Variants in CDC16 observed in about 807,000 individuals in gnomAD.
CDC16 encodes cell division cycle protein 16 homolog.
A neutral mutation model predicts 87.0 loss-of-function variants in CDC16; 34 were observed. The ratio of observed to expected loss-of-function variants is 0.39; its 90% CI spans 0.30 to 0.52. The LOEUF is 0.52. CDC16 is among the 20% of genes least tolerant of loss of function. The pLI is 0.74. For synonymous variants in CDC16, 263 were observed against 260.6 expected (o/e 1.01, Z -0.09); for missense variants, 653 against 751.9 (o/e 0.87, Z 1.54).
chr13:114,239,293 CAT>C, intron 4 of CDC16, 55 bp from the exon 5 acceptor site: 4 of 1,550,258 alleles, frequency 2.6e-6, no homozygotes, highest in Non-Finnish European at 3.5e-6. Flanking sequence ...AAATTCGGAT[CAT>C]GTGTTTCGTG....
chr13:114,267,275 G>A (rs1438321572), intron 17 of CDC16, among the ~76,000 whole-genome samples: 2 of 152,012 alleles, frequency 1.3e-5, no homozygotes, highest in Non-Finnish European at 2.9e-5. Context: ...ATCACCTGAG[G>A]TCAGGAGTTC....
At chr13:114,271,937 G>T (rs2083706265) in intron 17 of CDC16, among the ~76,000 whole-genome samples, 1 of 152,184 alleles carries the variant, frequency 6.6e-6, no homozygotes, top group Non-Finnish European at 1.5e-5. Flanking sequence ...GCAAATGGTG[G>T]AAAACAAATG....
In CDC16 at chr13:114,250,585, A is replaced by G; in HGVS notation, c.1008A>G (p.Ala336=). The G allele has an allele frequency of 3.1e-6, 5 of 1,614,040 alleles. No individual in the cohort carries two copies. Among genetic ancestry groups the G allele is most frequent in the Non-Finnish European group, 4.2e-6 (5 of 1,179,970 alleles). The change falls in exon 12 of 18, where the codon GCA becomes GCG. Residue 336 remains alanine, a synonymous_variant. Transcript: ENST00000356221. Reference sequence around the variant, plus strand: ...CACTTGAGAAAACCTATGGACCTGCATGGATAGCCTATGGACATTCATTTG... The same window carrying G: ...CACTTGAGAAAACCTATGGACCTGCGTGGATAGCCTATGGACATTCATTTG... ...ATTLEKTYGP[A]WIAYGHSFAV... is the part of the protein sequence containing the mutation.
At chr13:114,263,299 T>TAGCC (rs952615866) in intron 16 of CDC16, among the ~76,000 whole-genome samples, 1 of 152,224 alleles carries the variant, frequency 6.6e-6, no homozygotes, top group Non-Finnish European at 1.5e-5. Context: ...CTGTCCACAG[T>TAGCC]AGCCCCTTTG....
intron 11 of CDC16, 50 bp from the exon 12 acceptor site, chr13:114,250,499 A>C: frequency 1.3e-6 from 2 of 1,539,030 alleles, no homozygotes; most frequent in Non-Finnish European, 8.8e-7. Context: ...CTCAAAAAAA[A>C]AAAAAAAAGA....
chr13:114,242,394 C>G (rs985167530), intron 6 of CDC16, 114 bp downstream of exon 6: 2 of 903,238 alleles, frequency 2.2e-6, no homozygotes, highest in African/African-American at 3.3e-5. Context: ...TTAAATAGAC[C>G]TACTCACTTT....
intron 13 of CDC16, among the ~76,000 whole-genome samples, chr13:114,258,786 CACAGTGACTTTA>C (rs17338172): frequency 0.011 from 1,742 of 152,174 alleles, 95 homozygotes; most frequent in Admixed American, 0.081. Context: ...ACTCAGTGTA[CACAGTGACTTTA>C]TAGAACATAA....
chr13:114,243,420 TATATTAAGTTTTCAAAATTA>T (rs1458358323), intron 7 of CDC16, 72 bp downstream of exon 7: 2 of 752,914 alleles, frequency 2.7e-6, no homozygotes, highest in African/African-American at 3.5e-5. Flanking sequence ...CATCTAGTCT[TATATTAAGTTTTCAAAATTA>T]AAACTTTTTA....
chr13:114,254,948 A>C (rs2082406429), intron 12 of CDC16, among the ~76,000 whole-genome samples: 1 of 152,204 alleles, frequency 6.6e-6, no homozygotes, highest in Non-Finnish European at 1.5e-5. Context: ...CTGCATGATA[A>C]AATTTGGTCT....
At chr13:114,249,229 T>TAGGGTTTGCGCA (rs922744443) in intron 11 of CDC16, among the ~76,000 whole-genome samples, 2 of 151,566 alleles carry the variant, frequency 1.3e-5, no homozygotes, top group Non-Finnish European at 1.5e-5. Context: ...CAGTTAACAA[T>TAGGGTTTGCGCA]AGGGTTTGCG....
chr13:114,259,548 A>G, intron 14 of CDC16, 150 bp downstream of exon 14: 1 of 502,390 alleles, frequency 2.0e-6, no homozygotes, highest in Non-Finnish European at 3.4e-6. Flanking sequence ...ATTGTCAGTT[A>G]ACTGTTTTAC....
At chr13:114,248,009 A>T (rs2081965205) in intron 11 of CDC16, among the ~76,000 whole-genome samples, 1 of 152,262 alleles carries the variant, frequency 6.6e-6, no homozygotes, top group Non-Finnish European at 1.5e-5. Flanking sequence ...TTTTATTAAT[A>T]GTTGTGAAAT....
chr13:114,242,303 G>A (rs773749318), intron 6 of CDC16, 23 bp downstream of exon 6: 11 of 1,591,182 alleles, frequency 6.9e-6, no homozygotes, highest in Non-Finnish European at 7.7e-6. Context: ...AGGCTTTTTT[G>A]TTTTATGTTT....
At chr13:114,268,960 A>G (rs2083425120) in intron 17 of CDC16, among the ~76,000 whole-genome samples, 1 of 152,238 alleles carries the variant, frequency 6.6e-6, no homozygotes. Flanking sequence ...AAAAGGGTAA[A>G]GCCTCTTTGG....
chr13:114,236,620 AC>A (rs2081264482), intron 1 of CDC16, 24 bp from the exon 2 acceptor site: 3 of 1,562,898 alleles, frequency 1.9e-6, no homozygotes, highest in African/African-American at 1.4e-5. Flanking sequence ...GGCAGTTACC[AC>A]CTTTTTTTTT....
intron 17 of CDC16, among the ~76,000 whole-genome samples, chr13:114,269,638 AATACT>A (rs1440569269): frequency 2.0e-5 from 3 of 152,314 alleles, no homozygotes; most frequent in African/African-American, 7.2e-5. Context: ...CATACAATAG[AATACT>A]ATATTATTTG....
At position 114,257,105 on chromosome 13, in the gene CDC16, A is replaced by C; in HGVS notation, c.1125A>C (p.Gly375=). The C allele has an allele frequency of 6.2e-7, 1 of 1,607,792 alleles. No individual in the cohort carries two copies. Among genetic ancestry groups the C allele is most frequent in the Non-Finnish European group, 8.5e-7 (1 of 1,175,506 alleles). ...KGCHLPMLYI[G]LEYGLTNNSK... is the part of the protein sequence containing the mutation. ...GTCATTTGCCTATGCTGTATATTGG[A>C]TTAGAATATGGTTTGACCAATAACT... Residue 375 remains glycine, a synonymous_variant, in exon 13 of 18, where the codon GGA becomes GGC. Coordinates refer to ENST00000356221, the MANE Select transcript of CDC16 (RefSeq NM_001078645.3).
intron 12 of CDC16, among the ~76,000 whole-genome samples, chr13:114,256,074 A>G (rs2082479460): frequency 6.6e-6 from 1 of 152,218 alleles, no homozygotes; most frequent in African/African-American, 2.4e-5. Flanking sequence ...TTTTAAGGTT[A>G]ATGCAAAGCT....
In CDC16 at chr13:114,242,228, T is replaced by C; in HGVS notation, c.489T>C (p.Cys163=). ...AAGCTTTGAAGCTTGATGTCTACTG[T>C]TTTGAAGCGTTCGATCTTTTAACAT... ...YKEALKLDVY[C]FEAFDLLTSH... The change falls in exon 6 of 18, where the codon TGT becomes TGC. Residue 163 remains cysteine (C), a synonymous_variant. Coordinates refer to ENST00000356221, the MANE Select transcript of CDC16 (RefSeq NM_001078645.3). 6.2e-7 allele frequency: 1 copy of C among 1,614,186 alleles called. No homozygotes were observed. The highest frequency in any genetic ancestry group is 8.5e-7 in the Non-Finnish European group (1 of 1,180,018).
Sources: allele counts gnomAD v4.1 joint callset (sites outside exome capture counted in the v4.1 genomes callset), GRCh38; gene constraint gnomAD v4.1.1; transcripts MANE v1.5; gene names NCBI Gene and HGNC (gene_info 2026-07-23, HGNC 2026-07-21).